The following PIK3C2A variants were observed in gnomAD, a reference collection of about 807,000 sequenced individuals.
PIK3C2A encodes phosphatidylinositol 4-phosphate 3-kinase C2 domain-containing subunit alpha.
A neutral mutation model predicts 204.5 loss-of-function variants in PIK3C2A; 97 were observed. That is an observed-to-expected ratio of 0.47 (90% CI 0.40 to 0.56). PIK3C2A has a LOEUF of 0.56. PIK3C2A is among the 20% of genes least tolerant of loss of function. The pLI is 0.00. For missense variants in PIK3C2A, 1,735 were observed against 1,969.2 expected (o/e 0.88, Z 2.25); for synonymous variants, 653 against 664.4 (o/e 0.98, Z 0.26).
At chr11:17,107,989 A>T (rs983008826) in intron 22 of PIK3C2A, among the ~76,000 whole-genome samples, 1 of 152,164 alleles carries the variant, frequency 6.6e-6, no homozygotes, top group Non-Finnish European at 1.5e-5. Flanking sequence ...CTAGTGCCTG[A>T]GCCTCCCAGC....
chr11:17,155,504 T>C (rs767959329), intron 3 of PIK3C2A, 22 bp downstream of exon 3: 9 of 1,365,620 alleles, frequency 6.6e-6, no homozygotes, highest in African/African-American at 1.4e-5. Context: ...CAAATGAACA[T>C]TTATAAAGAA....
chr11:17,101,192 C>A, intron 25 of PIK3C2A, 86 bp downstream of exon 25: 1 of 832,656 alleles, frequency 1.2e-6, no homozygotes. Flanking sequence ...AAATTTTATT[C>A]CAAAATCACA....
In PIK3C2A at chr11:17,092,032, GAAGTA is replaced by G. The variant is rs1478677530; in HGVS notation, c.4601_4605del (p.Leu1534SerfsTer2). On this transcript the variant is annotated frameshift_variant, in exon 30 of 33. Transcript: ENST00000691414. LOFTEE classifies it high-confidence loss of function. ...GCTATCCCTTCAGCTTTCTCATCAC[GAAGTA>G]AAGGGTGGAAGAAAGTACAAACAAG... The G allele has an allele frequency of 6.2e-7, 1 of 1,611,368 alleles. No individual in the cohort carries two copies. Among genetic ancestry groups the G allele is most frequent in the African/African-American group, 1.3e-5 (1 of 74,990 alleles).
chr11:17,167,833 C>T (rs1354481236), intron 2 of PIK3C2A, among the ~76,000 whole-genome samples: 2 of 151,970 alleles, frequency 1.3e-5, no homozygotes, highest in East Asian at 1.9e-4. Flanking sequence ...AAAAGCAAAA[C>T]ACAAATCTGC....
intron 15 of PIK3C2A, among the ~76,000 whole-genome samples, chr11:17,121,895 T>C (rs959789920): frequency 6.6e-6 from 1 of 151,970 alleles, no homozygotes; most frequent in East Asian, 1.9e-4. Context: ...TCCAGTCTAT[T>C]GTTTGCCTTT....
Position 17,086,666 on chromosome 11 carries a change from T to C in PIK3C2A, c.*3072A>G, listed in dbSNP as rs1159771060. 1 of 152,194 alleles carries C rather than the reference T, an allele frequency of 6.6e-6. No individual in the cohort carries two copies. The highest frequency in any genetic ancestry group is 1.5e-5 in the Non-Finnish European group (1 of 68,034). 9.4% of individuals were successfully genotyped at this position (152,194 alleles called of 1,614,324 possible). A position where few individuals can be genotyped will look rare whatever the true frequency, so the allele number is the denominator to read the frequency against. On this transcript the variant is annotated 3_prime_UTR_variant, in exon 33 of 33. Transcript: ENST00000691414. ...ATATTCAAGGTATTAATAAAAATAT[T>C]ATACATCTTTATTCACTATCTTAAT...
rs1416507134 is a variant in PIK3C2A at position 17,091,376 on chromosome 11, G to A, written c.4836C>T (p.Thr1612=). Residue 1612 remains threonine (T), a synonymous_variant, in exon 32 of 33, where the codon ACC becomes ACT. Coordinates refer to ENST00000691414, the MANE Select transcript of PIK3C2A (RefSeq NM_002645.4). ...PDNHKTSKRK[T]KISRKTRNPT... is the part of the protein sequence containing the mutation. ...GATTCCTCGTTTTTCGTGAAATTTTGGTTTTACGTTTGGATGTTTTGTGGT... is the reference window on the plus strand; with the variant it reads ...GATTCCTCGTTTTTCGTGAAATTTTAGTTTTACGTTTGGATGTTTTGTGGT... The A allele has an allele frequency of 4.3e-6, 7 of 1,613,516 alleles. No homozygotes were observed. The Admixed American group carries it at 5.0e-5, about 12-fold the overall frequency.
chr11:17,101,369 G>A lies in PIK3C2A; in HGVS notation c.3917C>T (p.Thr1306Ile). The change falls in exon 25 of 33, where the codon ACC becomes ATC. Residue 1306 changes from threonine to isoleucine, a missense_variant. Physicochemically the swap from Thr to Ile is moderately conservative, Grantham distance 89 (BLOSUM62 -1). Around this residue, in one of 6 missense-constraint regions of PIK3C2A, gnomAD observed 503 missense variants for 669.0 expected, o/e 0.75. Transcript: ENST00000691414. ...GTCCACAAACAACTGAAAACGAATGGTGGGCTTTTCACCCCCATTAATGAC... is the reference window on the plus strand; with the variant it reads ...GTCCACAAACAACTGAAAACGAATGATGGGCTTTTCACCCCCATTAATGAC... ...AYVINGGEKP[T>I]IRFQLFVDLC... The A allele has an allele frequency of 6.3e-7, 1 of 1,598,144 alleles. No homozygotes were observed. The highest frequency in any genetic ancestry group is 1.1e-5 in the South Asian group (1 of 89,672).
intron 8 of PIK3C2A, among the ~76,000 whole-genome samples, chr11:17,139,705 A>G (rs1239266941): frequency 2.6e-5 from 4 of 152,204 alleles, no homozygotes; most frequent in Non-Finnish European, 5.9e-5. Context: ...GTCCATGTGG[A>G]AAATTCACAA....
intron 8 of PIK3C2A, among the ~76,000 whole-genome samples, chr11:17,143,654 T>C (rs1045612842): frequency 6.7e-6 from 1 of 148,186 alleles, no homozygotes; most frequent in South Asian, 2.1e-4. Flanking sequence ...AAAAAGGGTA[T>C]GGGGCCAGGC....
intron 1 of PIK3C2A, among the ~76,000 whole-genome samples, chr11:17,200,141 G>A (rs1003369110): frequency 4.0e-5 from 6 of 151,662 alleles, no homozygotes; most frequent in East Asian, 1.9e-4. Flanking sequence ...AGCTGAGATC[G>A]CGCCACTGCA....
rs555541683 is a variant in PIK3C2A, at chr11:17,181,787, A to C, written c.-65-11981T>G. ...TTACATTATGGCAAAACTGTGAAGGAAATGATTATCAAAAGTTAGAATAGC... is the reference window on the plus strand; with the variant it reads ...TTACATTATGGCAAAACTGTGAAGGCAATGATTATCAAAAGTTAGAATAGC... On this transcript the variant is annotated intron_variant, in intron 1 of 32. Coordinates refer to ENST00000691414, the MANE Select transcript of PIK3C2A (RefSeq NM_002645.4). 8.5e-5 allele frequency among the ~76,000 whole-genome samples: 13 copies of C among 152,052 alleles called. No homozygotes were observed. In the East Asian group the frequency reaches 2.1e-3, roughly 25 times the overall value.
chr11:17,169,160 T>A lies in PIK3C2A; in HGVS notation c.582A>T (p.Pro194=). ...CAGGTGTCAAAGGATATGAGAAATA[T>A]GGAGATTGTCCCGGAAGACTTAAAT... ...PIYLSLPGQS[P]YFSYPLTPAT... Residue 194 remains proline, a synonymous_variant, in exon 2 of 33, where the codon CCA becomes CCT. Transcript: ENST00000691414. 1 of 1,613,966 alleles carries A rather than the reference T, an allele frequency of 6.2e-7. No homozygotes were observed. The highest frequency in any genetic ancestry group is 8.5e-7 in the Non-Finnish European group (1 of 1,179,916).
intron 1 of PIK3C2A, among the ~76,000 whole-genome samples, chr11:17,190,339 A>G (rs1032775771): frequency 3.3e-5 from 5 of 152,086 alleles, no homozygotes; most frequent in Non-Finnish European, 7.4e-5. Context: ...GAACTCTGGG[A>G]GGCCAATGGA....
intron 5 of PIK3C2A, 88 bp downstream of exon 5, chr11:17,148,579 C>A: frequency 9.1e-7 from 1 of 1,095,430 alleles, no homozygotes; most frequent in South Asian, 1.4e-5. Context: ...TGTATTTCTG[C>A]ATTATAAATT....
chr11:17,168,574 C>T, intron 2 of PIK3C2A, 103 bp downstream of exon 2: 3 of 842,092 alleles, frequency 3.6e-6, no homozygotes, highest in Non-Finnish European at 1.9e-6. Context: ...GAGCGAGACT[C>T]CTTCTTAAAA....
chr11:17,139,684 G>A lies in PIK3C2A; in HGVS notation c.1705-3059C>T, dbSNP rs189065922. On this transcript the variant is annotated intron_variant, in intron 8 of 32. Coordinates refer to ENST00000691414, the MANE Select transcript of PIK3C2A (RefSeq NM_002645.4). ...CCTACATCCTGTAATACAAGCCTCC[G>A]TTACATAAACGTCCATGTGGAAAAT... is the stretch of plus-strand genomic sequence containing the variant. 1.8e-3 allele frequency among the ~76,000 whole-genome samples: 278 copies of A among 152,250 alleles called. 2 individuals are homozygous for A. Among genetic ancestry groups the A allele is most frequent in the African/African-American group, 1.7e-3 (72 of 41,548 alleles).
At chr11:17,166,970 C>A (rs1480499737) in intron 2 of PIK3C2A, among the ~76,000 whole-genome samples, 1 of 152,030 alleles carries the variant, frequency 6.6e-6, no homozygotes, top group African/African-American at 2.4e-5. Flanking sequence ...GCCTTCCCCC[C>A]AACTGCCCCT....
intron 22 of PIK3C2A, among the ~76,000 whole-genome samples, chr11:17,107,205 C>A (rs1006254678): frequency 2.0e-5 from 3 of 151,878 alleles, no homozygotes; most frequent in Non-Finnish European, 4.4e-5. Flanking sequence ...CCCAGCTACT[C>A]GGGAGGCTAA....
Sources: gnomAD v4.1 joint callset for allele counts (sites outside exome capture counted in the v4.1 genomes callset) on GRCh38, gnomAD v4.1.1 for gene constraint, gnomAD v4.1.1 regional missense constraint, MANE v1.5 for transcripts, NCBI Gene and HGNC (gene_info 2026-07-23, HGNC 2026-07-21) for gene names.